CLSTN2: variants seen among roughly 807,000 people sequenced by gnomAD.
CLSTN2 encodes calsyntenin-2.
In CLSTN2, 48 loss-of-function variants were observed where a neutral mutation model predicts 101.2. The observed-to-expected ratio is 0.47, with a 90% CI of 0.38 to 0.60. The LOEUF is 0.60. Ranked by LOEUF, CLSTN2 falls within the 20% of genes least tolerant of loss-of-function variation. CLSTN2 has a pLI of 0.00. For missense variants in CLSTN2, 1,160 were observed against 1,238.2 expected, an observed-to-expected ratio of 0.94 and a Z score of 0.95; for synonymous variants, 481 against 463.6, an observed-to-expected ratio of 1.04 and a Z score of -0.48.
chr3:140,419,024 G>T, intron 4 of CLSTN2, among the ~76,000 whole-genome samples: 1 of 131,324 alleles, frequency 7.6e-6, no homozygotes, highest in African/African-American at 3.9e-5. Flanking sequence ...GTAATTGGTG[G>T]ACCTTTTTTT....
intron 7 of CLSTN2, among the ~76,000 whole-genome samples, chr3:140,464,415 G>A (rs1576582576): frequency 6.6e-6 from 1 of 152,214 alleles, no homozygotes; most frequent in African/African-American, 2.4e-5. Flanking sequence ...TACCTGAGAC[G>A]TGGACAGAGA....
intron 1 of CLSTN2, among the ~76,000 whole-genome samples, chr3:140,088,684 G>A (rs1403197130): frequency 2.6e-5 from 4 of 152,186 alleles, no homozygotes; most frequent in Admixed American, 6.5e-5. Context: ...GAGGTTCCTC[G>A]GAGACTGTCA....
intron 1 of CLSTN2, among the ~76,000 whole-genome samples, chr3:139,953,126 A>G (rs1191180968): frequency 1.3e-5 from 2 of 152,066 alleles, no homozygotes; most frequent in African/African-American, 4.8e-5. Context: ...TTTGGGTTCA[A>G]CCTCATAGCT....
At chr3:140,255,157 C>G (rs944156758) in intron 2 of CLSTN2, among the ~76,000 whole-genome samples, 5 of 152,130 alleles carry the variant, frequency 3.3e-5, no homozygotes, top group African/African-American at 1.2e-4. Context: ...ATAACAGGTG[C>G]TAGTGAGATT....
chr3:139,970,104 G>A (rs908125122), intron 1 of CLSTN2, among the ~76,000 whole-genome samples: 2 of 152,196 alleles, frequency 1.3e-5, no homozygotes, highest in African/African-American at 4.8e-5. Flanking sequence ...AGTAGTGTCT[G>A]TGTTCCACTC....
At chr3:140,546,769 C>T in intron 10 of CLSTN2, 88 bp downstream of exon 10, 2 of 1,230,530 alleles carry the variant, frequency 1.6e-6, no homozygotes, top group Non-Finnish European at 2.2e-6. Flanking sequence ...GGAAATGGAG[C>T]TTCCTGGAAC....
At chr3:140,382,361 G>A (rs1465726690) in intron 2 of CLSTN2, among the ~76,000 whole-genome samples, 1 of 152,174 alleles carries the variant, frequency 6.6e-6, no homozygotes, top group Non-Finnish European at 1.5e-5. Flanking sequence ...TGAATATCCT[G>A]TGAAGGGAAA....
chr3:140,313,384 G>T (rs181694597), intron 2 of CLSTN2, among the ~76,000 whole-genome samples: 1 of 152,290 alleles, frequency 6.6e-6, no homozygotes, highest in Admixed American at 6.5e-5. Context: ...CCTGACAGGA[G>T]GCTAAAAGGG....
At chr3:140,211,554 TGTA>T (rs1486263230) in intron 2 of CLSTN2, among the ~76,000 whole-genome samples, 3 of 150,282 alleles carry the variant, frequency 2.0e-5, no homozygotes, top group African/African-American at 7.3e-5. Context: ...TGTGTGTGTG[TGTA>T]GTGTGTGTGT....
chr3:140,300,990 TAGG>T (rs758537582), intron 2 of CLSTN2, among the ~76,000 whole-genome samples: 18 of 151,904 alleles, frequency 1.2e-4, no homozygotes, highest in Non-Finnish European at 2.5e-4. Flanking sequence ...AGTCCAAAGG[TAGG>T]AGAAGACCTA....
chr3:140,171,767 T>C, intron 1 of CLSTN2, among the ~76,000 whole-genome samples: 1 of 102,166 alleles, frequency 9.8e-6, no homozygotes, highest in South Asian at 2.4e-4. Flanking sequence ...ATATATAATA[T>C]ATAATATGTA....
chr3:140,278,990 G>A (rs1319229382), intron 2 of CLSTN2, among the ~76,000 whole-genome samples: 1 of 152,130 alleles, frequency 6.6e-6, no homozygotes, highest in Non-Finnish European at 1.5e-5. Context: ...CAAACTCTGG[G>A]AATACAGGCA....
chr3:139,979,579 A>T (rs1281005928), intron 1 of CLSTN2, among the ~76,000 whole-genome samples: 1 of 152,192 alleles, frequency 6.6e-6, no homozygotes, highest in Non-Finnish European at 1.5e-5. Flanking sequence ...GTTCCTATAG[A>T]GAGCTGCAAG....
chr3:140,129,802 CTT>C (rs2009495169), intron 1 of CLSTN2, among the ~76,000 whole-genome samples: 1 of 152,262 alleles, frequency 6.6e-6, no homozygotes, highest in African/African-American at 2.4e-5. Flanking sequence ...AGCCCTTTCT[CTT>C]GGAGTGCCAT....
At chr3:140,241,600 T>A (rs2086467671) in intron 2 of CLSTN2, among the ~76,000 whole-genome samples, 1 of 152,080 alleles carries the variant, frequency 6.6e-6, no homozygotes, top group Non-Finnish European at 1.5e-5. Flanking sequence ...TGACTATGTA[T>A]TCATTTATTC....
At chr3:140,235,520 C>T (rs2086409472) in intron 2 of CLSTN2, among the ~76,000 whole-genome samples, 1 of 152,226 alleles carries the variant, frequency 6.6e-6, no homozygotes, top group Admixed American at 6.5e-5. Context: ...CAGTTGTGTG[C>T]AGCTCTGGGG....
intron 2 of CLSTN2, among the ~76,000 whole-genome samples, chr3:140,226,915 G>T (rs1481500677): frequency 6.6e-6 from 1 of 152,142 alleles, no homozygotes; most frequent in African/African-American, 2.4e-5. Flanking sequence ...AACAGTGCAG[G>T]AAAGACCCGC....
intron 2 of CLSTN2, among the ~76,000 whole-genome samples, chr3:140,197,324 C>T (rs2010659019): frequency 6.6e-6 from 1 of 152,154 alleles, no homozygotes; most frequent in Admixed American, 6.6e-5. Flanking sequence ...ATAGCCATTT[C>T]CAGTCTATTA....
intron 2 of CLSTN2, among the ~76,000 whole-genome samples, chr3:140,327,594 C>T (rs916153638): frequency 2.0e-5 from 3 of 152,184 alleles, no homozygotes; most frequent in African/African-American, 7.2e-5. Context: ...AGAATGTGCA[C>T]TTTGGAGTCA....
Sources: gnomAD v4.1 joint callset for allele counts (sites outside exome capture counted in the v4.1 genomes callset) on GRCh38, gnomAD v4.1.1 for gene constraint, MANE v1.5 for transcripts, NCBI Gene and HGNC (gene_info 2026-07-23, HGNC 2026-07-21) for gene names.